DOCK5: variants seen among roughly 807,000 people sequenced by gnomAD.
DOCK5 encodes the protein dedicator of cytokinesis 5, also known as dedicator of cytokinesis protein 5.
DOCK5 carries 142 observed loss-of-function variants against 251.8 expected under a neutral mutation model. That is an observed-to-expected ratio of 0.56 (90% CI 0.49 to 0.65). DOCK5 has a LOEUF of 0.65. DOCK5 is among the 30% of genes least tolerant of loss of function. The pLI, the probability that DOCK5 is intolerant of heterozygous loss-of-function variation, is 0.00. For synonymous variants in DOCK5, 842 were observed against 835.5 expected, an observed-to-expected ratio of 1.01 and a Z score of -0.13; for missense variants, 2,111 against 2,312.3, an observed-to-expected ratio of 0.91 and a Z score of 1.79.
At chr8:25,267,677 C>T (rs1803793970) in intron 2 of DOCK5, among the ~76,000 whole-genome samples, 1 of 152,114 alleles carries the variant, frequency 6.6e-6, no homozygotes, top group African/African-American at 2.4e-5. Context: ...TTTACCTGGG[C>T]AAGATGACCA....
At chr8:25,202,554 A>G (rs151200251) in intron 1 of DOCK5, among the ~76,000 whole-genome samples, 1 of 152,304 alleles carries the variant, frequency 6.6e-6, no homozygotes, top group Non-Finnish European at 1.5e-5. Context: ...GAGGAAGCCC[A>G]TGTTCACTGA....
intron 38 of DOCK5, among the ~76,000 whole-genome samples, chr8:25,379,684 A>G (rs1373797510): frequency 1.3e-5 from 2 of 152,212 alleles, no homozygotes; most frequent in Non-Finnish European, 2.9e-5. Flanking sequence ...AAGAAATTAT[A>G]AAAGTATTAT....
chr8:25,245,397 G>A (rs1803072063), intron 2 of DOCK5, among the ~76,000 whole-genome samples: 1 of 152,106 alleles, frequency 6.6e-6, no homozygotes, highest in Admixed American at 6.5e-5. Context: ...TCTTTTGTCA[G>A]GAGGCCAGGT....
chr8:25,343,219 G>C (rs1800284324), intron 25 of DOCK5, among the ~76,000 whole-genome samples: 1 of 151,500 alleles, frequency 6.6e-6, no homozygotes, highest in Non-Finnish European at 1.5e-5. Context: ...ATGTTGGCCA[G>C]GCTGGCCTCA....
At chr8:25,241,947 G>A (rs151217065) in intron 1 of DOCK5, among the ~76,000 whole-genome samples, 3 of 145,960 alleles carry the variant, frequency 2.1e-5, no homozygotes, top group African/African-American at 7.6e-5. Flanking sequence ...AGTGGGAGTT[G>A]AACAATGAGA....
intron 25 of DOCK5, 167 bp from the exon 26 acceptor site, chr8:25,345,308 T>A (rs1041718036): frequency 5.6e-6 from 4 of 714,238 alleles, no homozygotes; most frequent in African/African-American, 3.5e-5. Context: ...TAAAGTTCCG[T>A]GCCTAAAACC....
intron 33 of DOCK5, among the ~76,000 whole-genome samples, chr8:25,369,191 G>A (rs1027077000): frequency 1.3e-5 from 2 of 152,160 alleles, no homozygotes; most frequent in Non-Finnish European, 2.9e-5. Context: ...TTGAAAGGAC[G>A]ATTTCGCATC....
intron 28 of DOCK5, 52 bp downstream of exon 28, chr8:25,359,113 T>TA (rs1800630917): frequency 2.0e-6 from 3 of 1,510,712 alleles, no homozygotes; most frequent in African/African-American, 1.4e-5. Context: ...AAATTTGGTT[T>TA]AAAAAAATGA....
chr8:25,343,238 A>G (rs1800284610), intron 25 of DOCK5, among the ~76,000 whole-genome samples: 1 of 150,962 alleles, frequency 6.6e-6, no homozygotes, highest in Non-Finnish European at 1.5e-5. Flanking sequence ...CAAACTCCTG[A>G]CCTCAAGTGA....
intron 1 of DOCK5, among the ~76,000 whole-genome samples, chr8:25,215,471 A>G (rs1229016132): frequency 6.6e-6 from 1 of 152,116 alleles, no homozygotes; most frequent in East Asian, 1.9e-4. Context: ...TACCCTGGCC[A>G]TCATCAGAGG....
chr8:25,259,698 C>A (rs146087852), intron 2 of DOCK5, among the ~76,000 whole-genome samples: 2 of 152,082 alleles, frequency 1.3e-5, no homozygotes, highest in African/African-American at 4.8e-5. Flanking sequence ...TGTCCTCAAG[C>A]GATCCTCCTG....
chr8:25,408,058 G>A lies in DOCK5; in HGVS notation c.5169G>A (p.Glu1723=), dbSNP rs368902018. ...ARVEDLSLRE[E]NSENRISKFK... is the part of the protein sequence containing the mutation. ...TTGAAGATCTGTCCCTTAGAGAGGA[G>A]AACAGCGAGAACCGGATCAGCAAGT... The change falls in exon 49 of 52, where the codon GAG becomes GAA. Residue 1723 remains glutamate (E), a synonymous_variant. Transcript: ENST00000276440. 18 of 1,609,722 alleles carry A rather than the reference G, an allele frequency of 1.1e-5. No homozygotes were observed. The highest frequency in any genetic ancestry group is 1.5e-5 in the Non-Finnish European group (18 of 1,177,960).
intron 13 of DOCK5, among the ~76,000 whole-genome samples, chr8:25,311,785 G>C (rs1805103789): frequency 6.6e-6 from 1 of 151,746 alleles, no homozygotes; most frequent in Non-Finnish European, 1.5e-5. Flanking sequence ...AGCTGGGCGT[G>C]GTGGCTGGTG....
rs1334650549 is a variant in DOCK5, at chr8:25,368,575, C to T, written c.3288C>T (p.Pro1096=). The part of the protein sequence containing the change: ...RIRDMWYNLG[P]HKIKFIPSMV... ...CTTCATTCACTTTCATTTCAGGTCC[C>T]CACAAAATCAAATTCATCCCATCCA... Residue 1096 remains proline, a synonymous_variant, in exon 33 of 52, where the codon CCC becomes CCT. Transcript: ENST00000276440. 1.3e-6 allele frequency: 2 copies of T among 1,593,696 alleles called. No individual in the cohort carries two copies. The highest frequency in any genetic ancestry group is 2.7e-5 in the African/African-American group (2 of 74,086).
At position 25,234,514 on chromosome 8, in the gene DOCK5, T is replaced by C. The variant is rs536586116; in HGVS notation, c.44-9160T>C. On this transcript the variant is annotated intron_variant, in intron 1 of 51. Coordinates refer to ENST00000276440, the MANE Select transcript of DOCK5 (RefSeq NM_024940.8). ...TATCAGATTTTTTTCTGTTTTACTT[T>C]TTCCTATTTTGTTTAATAAGGAAGA... is the stretch of plus-strand genomic sequence containing the variant. Among the ~76,000 whole-genome samples, 10 of 152,366 alleles carry C rather than the reference T, an allele frequency of 6.6e-5. No homozygotes were observed. In the South Asian group the frequency reaches 2.1e-3, roughly 32 times the overall value.
At chr8:25,369,427 T>C (rs1800834201) in intron 33 of DOCK5, 129 bp from the exon 34 acceptor site, 1 of 692,872 alleles carries the variant, frequency 1.4e-6, no homozygotes, top group African/African-American at 1.8e-5. Context: ...AGTGACCCTC[T>C]GTGATCCTCC....
chr8:25,251,911 C>G (rs1454881840), intron 2 of DOCK5, among the ~76,000 whole-genome samples: 1 of 151,584 alleles, frequency 6.6e-6, no homozygotes, highest in Non-Finnish European at 1.5e-5. Context: ...ATCGCTTGAA[C>G]CCGGGAGGCA....
At chr8:25,365,422 C>T (rs1055685129) in intron 30 of DOCK5, among the ~76,000 whole-genome samples, 8 of 152,256 alleles carry the variant, frequency 5.3e-5, no homozygotes, top group African/African-American at 1.4e-4. Flanking sequence ...AAGTTCTTGA[C>T]GTTTTGAACA....
chr8:25,333,022 G>A (rs994192478), intron 20 of DOCK5, among the ~76,000 whole-genome samples: 1 of 152,196 alleles, frequency 6.6e-6, no homozygotes, highest in African/African-American at 2.4e-5. Flanking sequence ...ATTTGTGTGT[G>A]CACTGGTGTG....
Sources: gnomAD v4.1 joint callset for allele counts (sites outside exome capture counted in the v4.1 genomes callset) on GRCh38, gnomAD v4.1.1 for gene constraint, MANE v1.5 for transcripts, NCBI Gene and HGNC (gene_info 2026-07-23, HGNC 2026-07-21) for gene names.